The following MS4A8 variants were observed in gnomAD, a reference collection of about 807,000 sequenced individuals.
MS4A8 encodes membrane spanning 4-domains A8, also known as membrane-spanning 4-domains subfamily A member 8.
A neutral mutation model predicts 23.7 loss-of-function variants in MS4A8; 27 were observed. That is an observed-to-expected ratio of 1.14 (90% CI 0.84 to 1.57). MS4A8 has a LOEUF of 1.57. Among genes scored for constraint, MS4A8 ranks in the 40% most tolerant of loss-of-function variants. The pLI is 0.00. For missense variants in MS4A8, 301 were observed against 311.4 expected, an observed-to-expected ratio of 0.97 and a Z score of 0.25; for synonymous variants, 138 against 126.3, an observed-to-expected ratio of 1.09 and a Z score of -0.62.
chr11:60,708,287 G>C (rs2088274088), intron 4 of MS4A8, among the ~76,000 whole-genome samples: 1 of 152,164 alleles, frequency 6.6e-6, no homozygotes, highest in South Asian at 2.1e-4. Flanking sequence ...GTCCCACCAC[G>C]ATGATCTGTT....
chr11:60,700,663 C>A (rs1422623785), intron 1 of MS4A8, among the ~76,000 whole-genome samples, 197 bp from the exon 2 acceptor site: 1 of 152,076 alleles, frequency 6.6e-6, no homozygotes, highest in Non-Finnish European at 1.5e-5. Flanking sequence ...TAAAACTGGG[C>A]GGGTGAGAGG....
At chr11:60,701,273 T>C (rs2088201931) in intron 2 of MS4A8, 194 bp downstream of exon 2, 1 of 697,818 alleles carries the variant, frequency 1.4e-6, no homozygotes. Flanking sequence ...ACCTTGTATT[T>C]TCTGATTTAG....
At chr11:60,701,595 C>G in intron 2 of MS4A8, 1 of 260,544 alleles carries the variant, frequency 3.8e-6, no homozygotes, top group Non-Finnish European at 7.7e-6. Context: ...TGCAGACTGC[C>G]CGAGCTCCAA....
In MS4A8 at chr11:60,715,170, C is replaced by A. The variant is rs766773515; in HGVS notation, c.648+36C>A. 2.6e-6 allele frequency: 4 copies of A among 1,552,726 alleles called. No homozygotes were observed. The South Asian group carries it at 3.3e-5, about 13-fold the overall frequency. ...GGGTTCCTCAGTGGGTGGAAAGATG[C>A]CCCCAAAAAGGTGGAGACAAGGGAG... On this transcript the variant is annotated intron_variant, in intron 6 of 6. Transcript: ENST00000300226.
chr11:60,708,784 G>T lies in MS4A8; in HGVS notation c.534+3G>T, dbSNP rs201466138. ...ATTATCCTTACGCCTGGGGTGTGGT[G>T]AGTATCCCTCTCAACCAAAGATCCT... On this transcript the variant is annotated splice_donor_region_variant and intron_variant, in intron 5 of 6. Transcript: ENST00000300226. The T allele has an allele frequency of 1.9e-4, 303 of 1,613,912 alleles. 1 individual carries two copies. Among genetic ancestry groups the T allele is most frequent in the Middle Eastern group, 3.3e-4 (2 of 6,060 alleles).
At chr11:60,711,353 C>G (rs1215563143) in intron 5 of MS4A8, among the ~76,000 whole-genome samples, 1 of 152,230 alleles carries the variant, frequency 6.6e-6, no homozygotes, top group Non-Finnish European at 1.5e-5. Flanking sequence ...TTCCAAGATT[C>G]TTAGGCAAAG....
intron 2 of MS4A8, 46 bp downstream of exon 2, chr11:60,701,125 T>G (rs2088200586): frequency 6.4e-7 from 1 of 1,559,224 alleles, no homozygotes; most frequent in Non-Finnish European, 8.8e-7. Context: ...ACAGCTGGAG[T>G]GATGGCAGGG....
At chr11:60,706,807 A>G (rs1004835579) in intron 3 of MS4A8, among the ~76,000 whole-genome samples, 181 bp from the exon 4 acceptor site, 2 of 152,168 alleles carry the variant, frequency 1.3e-5, no homozygotes, top group African/African-American at 4.8e-5. Flanking sequence ...ATCCTAGAAT[A>G]TATATTTATC....
intron 2 of MS4A8, among the ~76,000 whole-genome samples, chr11:60,701,799 A>T (rs1048037320): frequency 2.0e-5 from 3 of 152,266 alleles, no homozygotes; most frequent in African/African-American, 7.2e-5. Context: ...TTGTGATAAC[A>T]AAAATATTGT....
At chr11:60,712,735 A>G (rs575532239) in intron 5 of MS4A8, among the ~76,000 whole-genome samples, 1 of 152,132 alleles carries the variant, frequency 6.6e-6, no homozygotes, top group South Asian at 2.1e-4. Flanking sequence ...CGGAGCTCAC[A>G]ATGCTGAGCT....
At chr11:60,713,234 G>A (rs2088314365) in intron 5 of MS4A8, among the ~76,000 whole-genome samples, 1 of 152,100 alleles carries the variant, frequency 6.6e-6, no homozygotes, top group Non-Finnish European at 1.5e-5. Context: ...CTCGTTAGGT[G>A]GAACAAGAGA....
Position 60,701,059 on chromosome 11 carries a change from A to C in MS4A8, c.199A>C (p.Lys67Gln). The C allele has an allele frequency of 6.2e-7, 1 of 1,614,138 alleles. No individual in the cohort carries two copies. The highest frequency in any genetic ancestry group is 8.5e-7 in the Non-Finnish European group (1 of 1,180,026). Reference protein sequence around the residue: ...VNGQPVQKALKEGKTLGAIQI... With the variant: ...VNGQPVQKALQEGKTLGAIQI... The stretch of plus-strand genomic sequence containing the variant: ...TGGGCAGCCTGTGCAGAAAGCTCTG[A>C]AAGAAGGCAAAACCTTGGGGGTAAG... The change falls in exon 2 of 7, where the codon AAA becomes CAA. Residue 67 changes from lysine (K) to glutamine (Q), a missense_variant. Lys to Gln is a moderately conservative substitution (Grantham distance 53). Coordinates refer to ENST00000300226, the MANE Select transcript of MS4A8 (RefSeq NM_031457.2).
intron 4 of MS4A8, among the ~76,000 whole-genome samples, chr11:60,708,021 G>A (rs1421701903): frequency 6.6e-6 from 1 of 151,478 alleles, no homozygotes; most frequent in Non-Finnish European, 1.5e-5. Flanking sequence ...GTATTTTTTG[G>A]TATTTTGGTA....
At chr11:60,715,179 AG>A (rs1179209364) in intron 6 of MS4A8, 45 bp downstream of exon 6, 46 of 1,535,980 alleles carry the variant, frequency 3.0e-5, no homozygotes, top group Non-Finnish European at 4.1e-5. Context: ...GCCCCCAAAA[AG>A]GTGGAGACAA....
At chr11:60,705,011 C>T (rs559319574) in intron 3 of MS4A8, among the ~76,000 whole-genome samples, 32 of 152,228 alleles carry the variant, frequency 2.1e-4, no homozygotes, top group Admixed American at 2.6e-4. Context: ...CAACTTTCCT[C>T]ATAAATGGCA....
chr11:60,707,832 T>G (rs2903773), intron 4 of MS4A8, among the ~76,000 whole-genome samples: 4,566 of 138,926 alleles, frequency 0.033, 239 homozygotes, highest in African/African-American at 0.12. Flanking sequence ...TTTTTTTTTT[T>G]TTTGTGTGTG....
chr11:60,710,482 G>C (rs1345932607), intron 5 of MS4A8, among the ~76,000 whole-genome samples: 1 of 152,066 alleles, frequency 6.6e-6, no homozygotes, highest in East Asian at 1.9e-4. Flanking sequence ...CAATCCCTCG[G>C]GCAATCCTGT....
chr11:60,712,204 T>C, intron 5 of MS4A8: 1 of 431,598 alleles, frequency 2.3e-6, no homozygotes, highest in Non-Finnish European at 3.1e-6. Flanking sequence ...CCTCACCCTC[T>C]CTAAATCCCT....
intron 5 of MS4A8, chr11:60,712,586 G>A: frequency 1.3e-6 from 1 of 745,036 alleles, no homozygotes; most frequent in Non-Finnish European, 1.6e-6. Context: ...TTGAGCTCAG[G>A]AGTTCAAGAC....
Sources: allele counts gnomAD v4.1 joint callset (sites outside exome capture counted in the v4.1 genomes callset), GRCh38; gene constraint gnomAD v4.1.1; transcripts MANE v1.5; gene names NCBI Gene and HGNC (gene_info 2026-07-23, HGNC 2026-07-21).